The following MARF1 variants were observed in gnomAD, a reference collection of about 807,000 sequenced individuals.
MARF1 encodes the protein limkain-b1.
Under a neutral mutation model 168.2 loss-of-function variants are expected in MARF1, and 24 were observed. That is an observed-to-expected ratio of 0.14 (90% CI 0.10 to 0.20). MARF1 has a LOEUF of 0.20. MARF1 is among the 10% of genes least tolerant of loss of function. The pLI is 1.00. For missense variants in MARF1, 1,744 were observed against 2,143.6 expected, an observed-to-expected ratio of 0.81 and a Z score of 3.68; for synonymous variants, 868 against 822.4, an observed-to-expected ratio of 1.06 and a Z score of -0.95.
chr16:15,600,524 C>T lies in MARF1; in HGVS notation c.4717G>A (p.Ala1573Thr), dbSNP rs1162428523. Residue 1573 changes from alanine (A) to threonine (T), a missense_variant, in exon 25 of 27, where the codon GCC becomes ACC. Physicochemically the swap from Ala to Thr is moderately conservative, Grantham distance 58. This residue lies in a region of MARF1 where 313 missense variants were observed against 337.4 expected (regional missense o/e 0.93). Coordinates refer to ENST00000396368, the MANE Select transcript of MARF1 (RefSeq NM_014647.4). Reference sequence around the variant, plus strand: ...TCCGAGGGCTGGTTTTCATGATTGGCAGGGGAGAGACTGAGTGAACTCAAA... The same window carrying T: ...TCCGAGGGCTGGTTTTCATGATTGGTAGGGGAGAGACTGAGTGAACTCAAA... ...SRLSSLSLSP[A>T]NHENQPSEGE... 1.2e-6 allele frequency: 2 copies of T among 1,614,196 alleles called. No individual in the cohort carries two copies. Among genetic ancestry groups the T allele is most frequent in the Admixed American group, 1.7e-5 (1 of 60,024 alleles).
rs1596441169 is a variant in MARF1, at chr16:15,603,257, T to C, written c.4413+911A>G. On this transcript the variant is annotated intron_variant, in intron 22 of 26. Transcript: ENST00000396368. The stretch of plus-strand genomic sequence containing the variant: ...TATTTAGGATCATTTTAAGGGACTA[T>C]CTTATGTTTTTGGTATTAAATTTAT... Among the ~76,000 whole-genome samples the C allele has an allele frequency of 3.3e-5, 5 of 152,328 alleles. 1 individual carries two copies. The Middle Eastern group carries it at 0.014, about 414-fold the overall frequency.
At chr16:15,631,343 T>G in intron 6 of MARF1, 38 bp downstream of exon 6, 124 of 1,376,636 alleles carry the variant, frequency 9.0e-5, no homozygotes, top group Non-Finnish European at 1.1e-4. Flanking sequence ...TCCCACACAG[T>G]GAGTTTAGCT....
At chr16:15,613,689 A>AAATAAATAAATAAATAAAAT (rs10657514) in intron 16 of MARF1, among the ~76,000 whole-genome samples, 39 of 63,946 alleles carry the variant, frequency 6.1e-4, no homozygotes, top group African/African-American at 3.5e-3. Context: ...ATAAATAAAT[A>AAATAAATAAATAAATAAAAT]AAATAAAATA....
Position 15,604,391 on chromosome 16 carries a change from T to A in MARF1, c.4190A>T (p.Asp1397Val). Residue 1397 changes from aspartate (D) to valine (V), a missense_variant, in exon 22 of 27, where the codon GAT becomes GTT. Physicochemically the swap from Asp to Val is radical, Grantham distance 152 (BLOSUM62 -3). Around this residue, in one of 7 missense-constraint regions of MARF1, gnomAD observed 74 missense variants for 66.7 expected, o/e 1.11. Coordinates refer to ENST00000396368, the MANE Select transcript of MARF1 (RefSeq NM_014647.4). ...QKLCHVVKVA[D>V]IESGRQIQLI... ...CTGAATCTGTCTGCCAGATTCTATA[T>A]CGGCAACCTGGGGAAAACGAGAATT... is the stretch of plus-strand genomic sequence containing the variant. 6.2e-7 allele frequency: 1 copy of A among 1,612,020 alleles called. No individual in the cohort carries two copies. Among genetic ancestry groups the A allele is most frequent in the Admixed American group, 1.7e-5 (1 of 60,010 alleles).
intron 16 of MARF1, 64 bp from the exon 17 acceptor site, chr16:15,612,841 A>G: frequency 7.2e-7 from 1 of 1,388,532 alleles, no homozygotes; most frequent in Non-Finnish European, 1.0e-6. Flanking sequence ...AGAAGGGAAA[A>G]TGGCCCTGCA....
intron 5 of MARF1, among the ~76,000 whole-genome samples, 159 bp from the exon 6 acceptor site, chr16:15,631,657 G>A (rs150638989): frequency 9.2e-5 from 14 of 152,194 alleles, no homozygotes; most frequent in African/African-American, 2.4e-4. Context: ...TACATGTGCC[G>A]TGGTGGTTTG....
Position 15,611,092 on chromosome 16 carries a change from A to G in MARF1, c.3634T>C (p.Trp1212Arg). The G allele has an allele frequency of 6.2e-7, 1 of 1,613,974 alleles. No homozygotes were observed. The highest frequency in any genetic ancestry group is 8.5e-7 in the Non-Finnish European group (1 of 1,179,866). ...CAAACACCATATTCAGTGACATCCC[A>G]GTCCTTTGAGAAACACCTAGGTTTT... The part of the protein sequence containing the change: ...QAYHWCFSKD[W>R]DVTEYGVCEL... Residue 1212 changes from tryptophan (W) to arginine (R), a missense_variant, in exon 19 of 27, where the codon TGG (tryptophan) becomes CGG (arginine). By Grantham distance (101) the Trp-to-Arg change is moderately radical. Around this residue, in one of 7 missense-constraint regions of MARF1, gnomAD observed 543 missense variants for 742.1 expected, o/e 0.73. Coordinates refer to ENST00000396368, the MANE Select transcript of MARF1 (RefSeq NM_014647.4).
At chr16:15,634,998 A>T in intron 3 of MARF1, 67 bp from the exon 4 acceptor site, 1 of 1,388,900 alleles carries the variant, frequency 7.2e-7, no homozygotes, top group Non-Finnish European at 1.0e-6. Flanking sequence ...GGAGTTATAT[A>T]CAACAACTGA....
intron 25 of MARF1, among the ~76,000 whole-genome samples, chr16:15,599,456 C>T (rs533540065): frequency 1.3e-5 from 2 of 152,272 alleles, no homozygotes; most frequent in Admixed American, 6.5e-5. Context: ...CTGAGATTTC[C>T]GAGCCTCCGC....
intron 19 of MARF1, chr16:15,610,346 A>G (rs1373691898): frequency 1.3e-5 from 2 of 153,156 alleles, no homozygotes; most frequent in Non-Finnish European, 2.9e-5. Context: ...ACGACCATAC[A>G]GTCACCCCTT....
chr16:15,623,699 G>C (rs1485891725), intron 10 of MARF1, among the ~76,000 whole-genome samples: 1 of 152,130 alleles, frequency 6.6e-6, no homozygotes, highest in Non-Finnish European at 1.5e-5. Context: ...GCTAAAGGCA[G>C]GAATTAGAGG....
Position 15,602,033 on chromosome 16 carries a change from G to A in MARF1, c.4584C>T (p.Tyr1528=), listed in dbSNP as rs140219793. The change falls in exon 23 of 27, where the codon TAC becomes TAT. Residue 1528 remains tyrosine (Y), a synonymous_variant. Coordinates refer to ENST00000396368, the MANE Select transcript of MARF1 (RefSeq NM_014647.4). ...AGAGCTCCTCCACGCTGCTGTGGCC[G>A]TAGGTCTTGGGCTGCAGAGTTTCTC... The part of the protein sequence containing the change: ...YVGETLQPKT[Y]GHSSVEELLG... 103 of 1,614,148 alleles carry A rather than the reference G, an allele frequency of 6.4e-5. No homozygotes were observed. The African/African-American group carries it at 1.2e-3, about 19-fold the overall frequency.
intron 16 of MARF1, 95 bp downstream of exon 16, chr16:15,615,735 G>T: frequency 1.1e-6 from 1 of 948,894 alleles, no homozygotes; most frequent in Non-Finnish European, 1.5e-6. Flanking sequence ...TTCACACTTG[G>T]CAAATTGTGC....
At chr16:15,632,537 T>G (rs760378508) in intron 5 of MARF1, among the ~76,000 whole-genome samples, 4 of 152,180 alleles carry the variant, frequency 2.6e-5, no homozygotes, top group Non-Finnish European at 4.4e-5. Context: ...CCTGGATGGC[T>G]TTCAGGATCT....
intron 20 of MARF1, 129 bp downstream of exon 20, chr16:15,609,394 G>C (rs952973662): frequency 1.4e-6 from 1 of 711,166 alleles, no homozygotes; most frequent in Non-Finnish European, 2.3e-6. Flanking sequence ...TCTCTGACTG[G>C]AATAGCTTAG....
intron 23 of MARF1, chr16:15,601,305 A>G (rs1217428369): frequency 4.0e-5 from 14 of 353,364 alleles, no homozygotes; most frequent in Non-Finnish European, 6.7e-5. Flanking sequence ...CCTCCATCTA[A>G]CACTGACCCA....
chr16:15,619,792 G>A (rs1275054799), intron 13 of MARF1, among the ~76,000 whole-genome samples: 2 of 152,130 alleles, frequency 1.3e-5, no homozygotes, highest in African/African-American at 4.8e-5. Flanking sequence ...TGGGTGCTTA[G>A]GATACAGTAT....
rs755797272 is a variant in MARF1, at chr16:15,625,047, C to T, written c.2080G>A (p.Val694Met). 1.2e-6 allele frequency: 2 copies of T among 1,614,074 alleles called. No homozygotes were observed. The highest frequency in any genetic ancestry group is 1.7e-5 in the Admixed American group (1 of 59,998). Residue 694 changes from valine to methionine, a missense_variant, in exon 9 of 27, where the codon GTG becomes ATG. By Grantham distance (21) the Val-to-Met change is conservative. This residue lies in a region of MARF1 where 270 missense variants were observed against 260.6 expected (regional missense o/e 1.04). Transcript: ENST00000396368. ...CTGGTTTTGTAAACGGGTTCTGCCA[C>T]CCCCGAGTTTTTCGGCGTCGACACT... ...AAVSTPKNSG[V>M]AEPVYKTSQK... is the part of the protein sequence containing the mutation.
intron 6 of MARF1, among the ~76,000 whole-genome samples, 153 bp from the exon 7 acceptor site, chr16:15,630,657 C>A (rs1051069065): frequency 6.6e-6 from 1 of 152,054 alleles, no homozygotes; most frequent in Non-Finnish European, 1.5e-5. Context: ...ACACGTTTCA[C>A]ATCAGAAGAA....
Sources: gnomAD v4.1 joint callset for allele counts (sites outside exome capture counted in the v4.1 genomes callset) on GRCh38, gnomAD v4.1.1 for gene constraint, gnomAD v4.1.1 regional missense constraint, MANE v1.5 for transcripts, NCBI Gene and HGNC (gene_info 2026-07-23, HGNC 2026-07-21) for gene names.